MAST3: variants seen among roughly 807,000 people sequenced by gnomAD.
MAST3 encodes the protein microtubule-associated serine/threonine-protein kinase 3.
Under a neutral mutation model 127.0 loss-of-function variants are expected in MAST3, and 43 were observed. That is an observed-to-expected ratio of 0.34 (90% CI 0.27 to 0.44). The LOEUF is 0.44. Ranked by LOEUF, MAST3 falls within the 20% of genes least tolerant of loss-of-function variation. The probability of loss-of-function intolerance (pLI) is 1.00; values close to 1 mark genes in which losing one functional copy is unlikely to be tolerated. For synonymous variants in MAST3, 785 were observed against 809.2 expected (o/e 0.97, Z 0.51); for missense variants, 1,390 against 1,919.1 (o/e 0.72, Z 5.15).
At chr19:18,133,659 T>C (rs1205669695) in intron 15 of MAST3, among the ~76,000 whole-genome samples, 2 of 149,902 alleles carry the variant, frequency 1.3e-5, no homozygotes, top group African/African-American at 2.5e-5. Context: ...GTTCAAGCGA[T>C]TCTCCTGCCT....
rs993884340 is a variant in MAST3 at position 18,150,299 on chromosome 19, T to C, written c.*573T>C. ...CTGGGCCCAGCCTAATTTATTACTTTTTATAAGCGATAGCCGTACTGAGCC... is the reference window on the plus strand; with the variant it reads ...CTGGGCCCAGCCTAATTTATTACTTCTTATAAGCGATAGCCGTACTGAGCC... On this transcript the variant is annotated 3_prime_UTR_variant, in exon 28 of 28. Transcript: ENST00000687212. The C allele has an allele frequency of 1.3e-5, 2 of 153,164 alleles. No individual in the cohort carries two copies. The highest frequency in any genetic ancestry group is 2.9e-5 in the Non-Finnish European group (2 of 68,740). The allele number at this position is 153,164 out of a possible 1,614,324, so 9.5% of individuals were successfully genotyped here.
Position 18,147,760 on chromosome 19 carries a change from C to T in MAST3, c.3508+136C>T, listed in dbSNP as rs150278224. 8.9e-4 allele frequency: 613 copies of T among 686,580 alleles called. 3 individuals are homozygous for T. Among genetic ancestry groups the T allele is most frequent in the African/African-American group, 8.7e-3 (479 of 55,354 alleles). 42.5% of individuals were successfully genotyped at this position (686,580 alleles called of 1,614,324 possible). On this transcript the variant is annotated intron_variant, in intron 27 of 27. Coordinates refer to ENST00000687212, the MANE Select transcript of MAST3 (RefSeq NM_001393504.1). ...AGATGACCGGGATCCTGGTGTCTAG[C>T]AGGGAACCTGGGAGTACTTAGAGAC... is the stretch of plus-strand genomic sequence containing the variant.
intron 1 of MAST3, among the ~76,000 whole-genome samples, chr19:18,101,533 C>G (rs2037619070): frequency 6.6e-6 from 1 of 152,166 alleles, no homozygotes; most frequent in Admixed American, 6.6e-5. Flanking sequence ...TGGGCATGGA[C>G]TGGTGTTTTC....
rs745945880 is a variant in MAST3, at chr19:18,121,695, G to A, written c.172G>A (p.Gly58Arg). ...CTTTTCCCCCCACAGCTGCCGCAGC[G>A]GGAACCGCAAGAGCTTGGTGGTAGG... ...LGLHPWSCRS[G>R]NRKSLVVGTP... Residue 58 changes from glycine to arginine, a missense_variant, in exon 4 of 28, where the codon GGG (glycine) becomes AGG (arginine). Around this residue, in one of 5 missense-constraint regions of MAST3, gnomAD observed 61 missense variants for 78.2 expected, o/e 0.78. Coordinates refer to ENST00000687212, the MANE Select transcript of MAST3 (RefSeq NM_001393504.1). 27 of 1,613,704 alleles carry A rather than the reference G, an allele frequency of 1.7e-5. No individual in the cohort carries two copies. The highest frequency in any genetic ancestry group is 2.2e-5 in the East Asian group (1 of 44,900).
At chr19:18,100,128 C>CTCTCTCTCTTTTTTTTTTTTTTTTTTTT (rs776661078) in intron 1 of MAST3, among the ~76,000 whole-genome samples, 4 of 121,708 alleles carry the variant, frequency 3.3e-5, no homozygotes, top group Admixed American at 9.4e-5. Flanking sequence ...CTCTCTCTCT[C>CTCTCTCTCTTTTTTTTTTTTTTTTTTTT]TTTTTTTTTT....
At chr19:18,135,531 A>T (rs989346693) in intron 17 of MAST3, among the ~76,000 whole-genome samples, 1 of 152,216 alleles carries the variant, frequency 6.6e-6, no homozygotes, top group Non-Finnish European at 1.5e-5. Context: ...AGAGAAAGCC[A>T]TAGAGACAGA....
intron 13 of MAST3, among the ~76,000 whole-genome samples, chr19:18,130,012 G>C (rs1287962556): frequency 6.6e-6 from 1 of 151,986 alleles, no homozygotes; most frequent in Non-Finnish European, 1.5e-5. Context: ...CACTTTGGGA[G>C]CCCGAAGTGG....
At position 18,145,572 on chromosome 19, in the gene MAST3, G is replaced by A. The variant is rs566535581; in HGVS notation, c.3040-171G>A. On this transcript the variant is annotated intron_variant, in intron 24 of 27. Coordinates refer to ENST00000687212, the MANE Select transcript of MAST3 (RefSeq NM_001393504.1). The surrounding 1 kb of genome is among the most constrained non-coding windows in gnomAD (Gnocchi z 5.9). ...CACAGAAGGCTTTCTGGAGAAGGGG[G>A]CGTAGGAGCTGGGGCTTTGATGGGT... Among the ~76,000 whole-genome samples, 1 of 149,876 alleles carries A rather than the reference G, an allele frequency of 6.7e-6. No individual in the cohort carries two copies. The highest frequency in any genetic ancestry group is 2.0e-4 in the East Asian group (1 of 4,982).
At chr19:18,131,104 C>T (rs1173513203) in intron 14 of MAST3, among the ~76,000 whole-genome samples, 1 of 152,216 alleles carries the variant, frequency 6.6e-6, no homozygotes, top group Non-Finnish European at 1.5e-5. Context: ...AATTGCTGCC[C>T]TGTCGGGGAG....
At chr19:18,127,718 G>C (rs963610279) in intron 11 of MAST3, among the ~76,000 whole-genome samples, 3 of 151,912 alleles carry the variant, frequency 2.0e-5, no homozygotes, top group Non-Finnish European at 4.4e-5. Flanking sequence ...AATTAGCTGG[G>C]CATGGTGGCA....
At position 18,123,338 on chromosome 19, in the gene MAST3, G is replaced by C. The variant is rs201344855; in HGVS notation, c.521G>C (p.Arg174Pro). Residue 174 changes from arginine (R) to proline (P), a missense_variant, in exon 7 of 28, where the codon CGG becomes CCG. This residue lies in a region of MAST3 where 277 missense variants were observed against 384.8 expected (regional missense o/e 0.72). Coordinates refer to ENST00000687212, the MANE Select transcript of MAST3 (RefSeq NM_001393504.1). ...AATGTGCTTGATGAGGAAGGCGGCC[G>C]GTCACCCCGCCTCCGACCCCGCTCT... ...SENVLDEEGG[R>P]SPRLRPRSRS... 1 of 1,613,070 alleles carries C rather than the reference G, an allele frequency of 6.2e-7. No homozygotes were observed. The highest frequency in any genetic ancestry group is 1.7e-5 in the Admixed American group (1 of 59,978).
In MAST3 at chr19:18,134,639, C is replaced by A; in HGVS notation, c.1632C>A (p.Gly544=). The part of the protein sequence containing the change: ...KLTDFGLSKI[G]LMSMATNLYE... ...CGGACTTCGGCCTGTCCAAGATCGG[C>A]CTCATGAGCATGGCCACCAACCTCT... The change falls in exon 16 of 28, where the codon GGC becomes GGA. Residue 544 remains glycine, a synonymous_variant. Transcript: ENST00000687212. 1 of 1,613,494 alleles carries A rather than the reference C, an allele frequency of 6.2e-7. No homozygotes were observed. The highest frequency in any genetic ancestry group is 1.1e-5 in the South Asian group (1 of 90,912).
intron 13 of MAST3, among the ~76,000 whole-genome samples, chr19:18,129,935 A>AAG (rs1555800728): frequency 4.0e-5 from 6 of 148,910 alleles, no homozygotes; most frequent in African/African-American, 7.5e-5. Flanking sequence ...AAAAAAAAAA[A>AAG]AAGGAAAGAA....
At chr19:18,118,041 C>T (rs1269941993) in intron 3 of MAST3, 2 of 915,340 alleles carry the variant, frequency 2.2e-6, no homozygotes, top group Non-Finnish European at 2.6e-6. Flanking sequence ...CTCGCCGCCC[C>T]CCCATCCCCG....
At chr19:18,135,987 G>A in intron 18 of MAST3, 146 bp downstream of exon 18, 1 of 606,052 alleles carries the variant, frequency 1.7e-6, no homozygotes, top group Non-Finnish European at 2.9e-6. Context: ...TTTGAAGGAT[G>A]CACAGGAGTT....
intron 1 of MAST3, among the ~76,000 whole-genome samples, chr19:18,099,298 A>G (rs2037337824): frequency 9.0e-6 from 1 of 111,090 alleles, no homozygotes; most frequent in Non-Finnish European, 1.7e-5. Context: ...GGAGGCGCTG[A>G]GGCCAGAGGC....
chr19:18,124,232 C>A, intron 9 of MAST3, 33 bp from the exon 10 acceptor site: 1 of 1,592,230 alleles, frequency 6.3e-7, no homozygotes, highest in Non-Finnish European at 8.6e-7. Context: ...GTGCTGAGGA[C>A]CTGTGGGTGA....
chr19:18,119,819 C>A (rs548565703), intron 3 of MAST3, among the ~76,000 whole-genome samples: 1 of 152,200 alleles, frequency 6.6e-6, no homozygotes, highest in African/African-American at 2.4e-5. Flanking sequence ...GATGATCATA[C>A]GCTTGTTCTC....
intron 1 of MAST3, among the ~76,000 whole-genome samples, chr19:18,102,502 G>A (rs1450190076): frequency 7.7e-6 from 1 of 130,320 alleles, no homozygotes; most frequent in Non-Finnish European, 1.6e-5. Flanking sequence ...TTTTTTTTGA[G>A]ACGGAGTCTC....
Sources: allele counts gnomAD v4.1 joint callset (sites outside exome capture counted in the v4.1 genomes callset), GRCh38; gene constraint gnomAD v4.1.1; regional missense constraint gnomAD v4.1.1; non-coding constraint Gnocchi (gnomAD v3.1); transcripts MANE v1.5; gene names NCBI Gene and HGNC (gene_info 2026-07-23, HGNC 2026-07-21).